Variants in IQCM observed in about 807,000 individuals in gnomAD.
The protein encoded by IQCM is IQ domain-containing protein M.
Under a neutral mutation model 57.6 loss-of-function variants are expected in IQCM, and 45 were observed. The observed-to-expected ratio is 0.78, with a 90% CI of 0.62 to 1.00. The LOEUF is 1.00. Among genes scored for constraint, IQCM ranks in the 50% least tolerant of loss-of-function variants. The pLI is 0.00. For missense variants in IQCM, 468 were observed against 511.6 expected (o/e 0.91, Z 0.82); for synonymous variants, 148 against 158.9 (o/e 0.93, Z 0.51).
chr4:149,725,592 T>C (rs578058340), intron 5 of IQCM, among the ~76,000 whole-genome samples: 262 of 152,284 alleles, frequency 1.7e-3, no homozygotes, highest in African/African-American at 5.2e-3. Context: ...TCTGTCCTCC[T>C]TGTGCTCCTG....
At chr4:149,527,848 G>A (rs1746313400) in intron 12 of IQCM, among the ~76,000 whole-genome samples, 1 of 152,148 alleles carries the variant, frequency 6.6e-6, no homozygotes, top group South Asian at 2.1e-4. Context: ...CTGAGACAAT[G>A]TTCAAAGAAT....
At chr4:149,527,811 C>A (rs182526905) in intron 12 of IQCM, among the ~76,000 whole-genome samples, 7 of 152,076 alleles carry the variant, frequency 4.6e-5, no homozygotes, top group Non-Finnish European at 8.8e-5. Context: ...CACAGCCATG[C>A]AGCAATATGA....
chr4:149,616,935 T>C, intron 8 of IQCM, among the ~76,000 whole-genome samples: 1 of 151,918 alleles, frequency 6.6e-6, no homozygotes, highest in Admixed American at 6.6e-5. Context: ...CAAACCTACA[T>C]GTTCTGCACA....
chr4:149,429,895 C>CA (rs1335281923), intron 13 of IQCM: 4 of 849,238 alleles, frequency 4.7e-6, no homozygotes, highest in Admixed American at 4.3e-5. Context: ...GCTTGGAAGA[C>CA]AGAGTTTGAA....
intron 7 of IQCM, among the ~76,000 whole-genome samples, chr4:149,630,086 C>G (rs1757134710): frequency 6.6e-6 from 1 of 152,284 alleles, no homozygotes; most frequent in Non-Finnish European, 1.5e-5. Context: ...GTCATAATAG[C>G]TTTAGAAAGC....
At chr4:149,764,283 C>A (rs1769821410) in intron 2 of IQCM, among the ~76,000 whole-genome samples, 1 of 152,166 alleles carries the variant, frequency 6.6e-6, no homozygotes, top group African/African-American at 2.4e-5. Flanking sequence ...TTGTCTTAAA[C>A]CCCCTCCCTA....
rs1560778578 is a variant in IQCM at position 149,368,760 on chromosome 4, A to ATATATATACATATATATACACG, written c.1391-16695_1391-16694insCGTGTATATATATGTATATATA. Among the ~76,000 whole-genome samples the ATATATATACATATATATACACG allele has an allele frequency of 3.6e-4, 38 of 106,598 alleles. 6 individuals carry two copies. Among genetic ancestry groups the ATATATATACATATATATACACG allele is most frequent in the African/African-American group, 1.1e-3 (35 of 31,750 alleles). 69.9% of individuals were successfully genotyped at this position (106,598 alleles called of 152,430 possible). The stretch of plus-strand genomic sequence containing the variant: ...GCACAAATTATATATATACATGTAT[A>ATATATATACATATATATACACG]TATATATATACATATATATACATGT... On this transcript the variant is annotated intron_variant, in intron 13 of 13. Transcript: ENST00000636793.
chr4:149,645,572 T>G lies in IQCM; in HGVS notation c.566-24328A>C, dbSNP rs183942881. On this transcript the variant is annotated intron_variant, in intron 7 of 13. Coordinates refer to ENST00000636793, the MANE Select transcript of IQCM (RefSeq NM_001363507.2). Reference sequence around the variant, plus strand: ...AAATCAGTACTACCCAAGAGTAAGGTGATGTGAGACAGCTGTCCAATTTCA... The same window carrying G: ...AAATCAGTACTACCCAAGAGTAAGGGGATGTGAGACAGCTGTCCAATTTCA... 2.5e-3 allele frequency among the ~76,000 whole-genome samples: 380 copies of G among 152,226 alleles called. 1 individual carries two copies. The highest frequency in any genetic ancestry group is 8.6e-3 in the African/African-American group (358 of 41,544).
rs538305402 is a variant in IQCM at position 149,455,994 on chromosome 4, T to A, written c.1229-22437A>T. Among the ~76,000 whole-genome samples the A allele has an allele frequency of 2.0e-4, 31 of 151,766 alleles. No homozygotes were observed. The East Asian group carries it at 5.8e-3, about 29-fold the overall frequency. ...TGTGTCTTAAAAAATAAAAATAAAA[T>A]TTTAAAAAAGAAAAGATTTCTTACT... On this transcript the variant is annotated intron_variant, in intron 12 of 13. Transcript: ENST00000636793.
At chr4:149,727,042 G>A (rs560715855) in intron 5 of IQCM, among the ~76,000 whole-genome samples, 264 of 152,114 alleles carry the variant, frequency 1.7e-3, no homozygotes, top group African/African-American at 5.2e-3. Context: ...GAGTCACCAC[G>A]CCTGGCTCCA....
chr4:149,428,483 G>A (rs1734606499), intron 13 of IQCM, among the ~76,000 whole-genome samples: 1 of 151,778 alleles, frequency 6.6e-6, no homozygotes, highest in South Asian at 2.1e-4. Flanking sequence ...ACATTAAATA[G>A]CCCATTTTAG....
intron 13 of IQCM, among the ~76,000 whole-genome samples, chr4:149,358,257 CT>C (rs1729156985): frequency 6.6e-6 from 1 of 152,160 alleles, no homozygotes. Flanking sequence ...CAGTTCTGCT[CT>C]GATCTTAGTT....
intron 8 of IQCM, among the ~76,000 whole-genome samples, chr4:149,605,757 G>A (rs1754717047): frequency 6.6e-6 from 1 of 152,042 alleles, no homozygotes. Flanking sequence ...ACCAGCTGTA[G>A]TAGCCAAGGG....
intron 11 of IQCM, among the ~76,000 whole-genome samples, chr4:149,549,411 G>A (rs1240987524): frequency 1.3e-5 from 2 of 151,280 alleles, no homozygotes; most frequent in Non-Finnish European, 3.0e-5. Flanking sequence ...CCAGCTACTT[G>A]GGAGGCTGAG....
intron 2 of IQCM, among the ~76,000 whole-genome samples, chr4:149,796,224 G>T (rs1773101777): frequency 6.6e-6 from 1 of 152,174 alleles, no homozygotes; most frequent in Non-Finnish European, 1.5e-5. Context: ...ATCACCACAA[G>T]CTGACTGAGG....
intron 12 of IQCM, among the ~76,000 whole-genome samples, chr4:149,512,425 C>G (rs1744522807): frequency 6.6e-6 from 1 of 152,128 alleles, no homozygotes; most frequent in South Asian, 2.1e-4. Context: ...ATGGCAGTGG[C>G]ATTGTAGAAC....
chr4:149,452,192 G>GA (rs1239806973), intron 12 of IQCM, among the ~76,000 whole-genome samples: 1 of 151,406 alleles, frequency 6.6e-6, no homozygotes, highest in Non-Finnish European at 1.5e-5. Context: ...AGAAGTTAAG[G>GA]AAAATCTAAA....
At chr4:149,575,240 A>G (rs1751520364) in intron 9 of IQCM, among the ~76,000 whole-genome samples, 1 of 151,936 alleles carries the variant, frequency 6.6e-6, no homozygotes, top group African/African-American at 2.4e-5. Context: ...AAACCCCTAA[A>G]TGATTTCTGT....
intron 9 of IQCM, among the ~76,000 whole-genome samples, chr4:149,585,491 CAT>C (rs1561022974): frequency 6.6e-6 from 1 of 151,582 alleles, no homozygotes; most frequent in African/African-American, 2.4e-5. Flanking sequence ...TTTATATAGA[CAT>C]ATATAAAATC....
Sources: allele counts gnomAD v4.1 joint callset (sites outside exome capture counted in the v4.1 genomes callset), GRCh38; gene constraint gnomAD v4.1.1; transcripts MANE v1.5; gene names NCBI Gene and HGNC (gene_info 2026-07-23, HGNC 2026-07-21).